ITFG1: variants seen among roughly 807,000 people sequenced by gnomAD.
ITFG1 encodes the protein T-cell immunomodulatory protein.
In ITFG1, 34 loss-of-function variants were observed where a neutral mutation model predicts 81.8. The observed-to-expected ratio is 0.42, with a 90% confidence interval of 0.32 to 0.55. The LOEUF is 0.55. ITFG1 is among the 20% of genes least tolerant of loss of function. The pLI, the probability that ITFG1 is intolerant of heterozygous loss-of-function variation, is 0.17. For missense variants in ITFG1, 672 were observed against 755.4 expected (o/e 0.89, Z 1.29); for synonymous variants, 285 against 270.6 (o/e 1.05, Z -0.52).
chr16:47,347,653 C>T (rs1967878013), intron 8 of ITFG1, among the ~76,000 whole-genome samples: 1 of 152,232 alleles, frequency 6.6e-6, no homozygotes, highest in African/African-American at 2.4e-5. Flanking sequence ...GCAGAAACCT[C>T]TGCAGACTTA....
intron 14 of ITFG1, among the ~76,000 whole-genome samples, chr16:47,213,942 G>A (rs1039033273): frequency 6.6e-6 from 1 of 152,190 alleles, no homozygotes; most frequent in Non-Finnish European, 1.5e-5. Flanking sequence ...ATGAAGGAGT[G>A]AGTCATGGGA....
chr16:47,156,739 G>T (rs1964715945), intron 17 of ITFG1, among the ~76,000 whole-genome samples: 1 of 152,134 alleles, frequency 6.6e-6, no homozygotes, highest in Admixed American at 6.5e-5. Flanking sequence ...TCCAAGCTGG[G>T]GTTACAACAT....
intron 10 of ITFG1, among the ~76,000 whole-genome samples, chr16:47,275,592 A>G (rs977534521): frequency 2.6e-5 from 4 of 152,120 alleles, no homozygotes; most frequent in African/African-American, 7.2e-5. Flanking sequence ...CCAACTGTAG[A>G]GGTATAGTAA....
rs1372711423 is a variant in ITFG1, at chr16:47,459,106, A to T, written c.278T>A (p.Phe93Tyr). Residue 93 changes from phenylalanine to tyrosine, a missense_variant, in exon 2 of 18, where the codon TTC becomes TAC. Phe to Tyr is a conservative substitution (Grantham distance 22). Coordinates refer to ENST00000320640, the MANE Select transcript of ITFG1 (RefSeq NM_030790.5). ...PYFKPKVKVS[F>Y]KNHSALITSV... ...AAATAATCATATTTGTACTTACTTG[A>T]AAGATACCTTTACTTTGGGTTTAAA... 1 of 1,554,568 alleles carries T rather than the reference A, an allele frequency of 6.4e-7. No homozygotes were observed. The highest frequency in any genetic ancestry group is 8.9e-7 in the Non-Finnish European group (1 of 1,126,230).
intron 10 of ITFG1, among the ~76,000 whole-genome samples, chr16:47,274,868 C>T (rs1345923807): frequency 6.6e-6 from 1 of 152,120 alleles, no homozygotes; most frequent in Admixed American, 6.5e-5. Flanking sequence ...GCTTAAATAC[C>T]ATAGCCATAA....
chr16:47,354,987 C>T (rs532755835), intron 8 of ITFG1, among the ~76,000 whole-genome samples: 1 of 152,018 alleles, frequency 6.6e-6, no homozygotes, highest in South Asian at 2.1e-4. Context: ...ATGGAGTTTC[C>T]TAAAAAAATA....
At chr16:47,238,263 T>C (rs1965897520) in intron 12 of ITFG1, 1 of 274,338 alleles carries the variant, frequency 3.6e-6, no homozygotes, top group Admixed American at 5.4e-5. Context: ...GATTATATCA[T>C]ACCATACCTA....
chr16:47,411,811 C>A (rs1298026977), intron 6 of ITFG1, among the ~76,000 whole-genome samples: 1 of 152,180 alleles, frequency 6.6e-6, no homozygotes, highest in East Asian at 1.9e-4. Context: ...ACCCTAGTCT[C>A]CCCAATCACA....
intron 10 of ITFG1, among the ~76,000 whole-genome samples, chr16:47,295,662 T>C (rs554087783): frequency 2.9e-4 from 44 of 152,238 alleles, no homozygotes; most frequent in Admixed American, 7.2e-4. Context: ...ATGTCTTCTT[T>C]TTCATTTCTG....
chr16:47,426,968 C>T (rs1010534254), intron 6 of ITFG1, among the ~76,000 whole-genome samples: 2 of 152,122 alleles, frequency 1.3e-5, no homozygotes, highest in Non-Finnish European at 2.9e-5. Context: ...TGTTTGAATG[C>T]TCACAAAAAC....
chr16:47,230,247 T>C (rs192996007), intron 13 of ITFG1, among the ~76,000 whole-genome samples: 4 of 151,760 alleles, frequency 2.6e-5, no homozygotes, highest in Non-Finnish European at 5.9e-5. Context: ...CCCGGAAGAA[T>C]GGACAGAGAG....
intron 6 of ITFG1, among the ~76,000 whole-genome samples, chr16:47,388,081 G>C (rs1968485032): frequency 6.6e-6 from 1 of 152,162 alleles, no homozygotes; most frequent in African/African-American, 2.4e-5. Flanking sequence ...CACTTGAGGG[G>C]CTCAACGTTA....
intron 14 of ITFG1, among the ~76,000 whole-genome samples, chr16:47,208,327 C>G (rs1220391813): frequency 1.3e-5 from 2 of 151,992 alleles, no homozygotes; most frequent in Non-Finnish European, 1.5e-5. Context: ...CATTACTGGC[C>G]TTTGTGAGAC....
upstream of ITFG1, chr16:47,461,181 C>G: frequency 1.0e-6 from 1 of 995,716 alleles, no homozygotes; most frequent in Non-Finnish European, 1.4e-6. Context: ...TTTCTCTCTC[C>G]CACTAGGGCT....
At chr16:47,448,963 G>C (rs1427022240) in intron 5 of ITFG1, 1 of 152,096 alleles carries the variant, frequency 6.6e-6, no homozygotes, top group Non-Finnish European at 1.5e-5. Context: ...TGCAGTGAGT[G>C]CCCTTCCTGT....
At chr16:47,443,892 TATA>T (rs893788298) in intron 5 of ITFG1, among the ~76,000 whole-genome samples, 3 of 151,844 alleles carry the variant, frequency 2.0e-5, no homozygotes, top group South Asian at 2.1e-4. Flanking sequence ...AAACTTAAAG[TATA>T]ATAATAATAA....
chr16:47,401,611 T>C (rs1968662580), intron 6 of ITFG1, among the ~76,000 whole-genome samples: 1 of 152,208 alleles, frequency 6.6e-6, no homozygotes, highest in African/African-American at 2.4e-5. Flanking sequence ...GGACTAGGTG[T>C]GTCCATGGGA....
intron 6 of ITFG1, among the ~76,000 whole-genome samples, chr16:47,406,001 G>A (rs1012316828): frequency 1.3e-5 from 2 of 152,134 alleles, no homozygotes; most frequent in Middle Eastern, 3.2e-3. Flanking sequence ...ACATACAGAA[G>A]TTACGGCATA....
Position 47,404,064 on chromosome 16 carries a change from A to G in ITFG1, c.655+24740T>C, listed in dbSNP as rs115151750. ...TGCACAATAAATGTAACGCCCTTGA[A>G]TCATTCTGAAACCATCACCTAGGCC... On this transcript the variant is annotated intron_variant, in intron 6 of 17. Coordinates refer to ENST00000320640, the MANE Select transcript of ITFG1 (RefSeq NM_030790.5). Among the ~76,000 whole-genome samples, 1,162 of 152,290 alleles carry G rather than the reference A, an allele frequency of 7.6e-3. 23 individuals carry two copies. Among genetic ancestry groups the G allele is most frequent in the African/African-American group, 0.027 (1,113 of 41,556 alleles).
Sources: gnomAD v4.1 joint callset for allele counts (sites outside exome capture counted in the v4.1 genomes callset) on GRCh38, gnomAD v4.1.1 for gene constraint, MANE v1.5 for transcripts, NCBI Gene and HGNC (gene_info 2026-07-23, HGNC 2026-07-21) for gene names.